The following SDK1 variants were observed in gnomAD, a reference collection of about 807,000 sequenced individuals.
SDK1 encodes the protein protein sidekick-1.
Under a neutral mutation model 245.5 loss-of-function variants are expected in SDK1, and 157 were observed. The ratio of observed to expected loss-of-function variants is 0.64; its 90% CI spans 0.56 to 0.73. The LOEUF (loss-of-function observed/expected upper bound fraction) is 0.73, where lower values mean the gene tolerates loss of function less well. Ranked by LOEUF, SDK1 falls within the 30% of genes least tolerant of loss-of-function variation. The pLI, the probability that SDK1 is intolerant of heterozygous loss-of-function variation, is 0.00. For synonymous variants in SDK1, 1,647 were observed against 1,278.5 expected (o/e 1.29, Z -6.15); for missense variants, 3,583 against 3,002.3 (o/e 1.19, Z -4.52).
At position 3,838,214 on chromosome 7, in the gene SDK1, G is replaced by A. The variant is rs554476695; in HGVS notation, c.847+16631G>A. Reference sequence around the variant, plus strand: ...CCTGCATGGCTGTACACAGCAATCCGGATTAATTCATCAGTTATGCCCGGT... The same window carrying A: ...CCTGCATGGCTGTACACAGCAATCCAGATTAATTCATCAGTTATGCCCGGT... On this transcript the variant is annotated intron_variant, in intron 5 of 44. Transcript: ENST00000404826. 1.3e-4 allele frequency among the ~76,000 whole-genome samples: 20 copies of A among 152,316 alleles called. No homozygotes were observed. The East Asian group carries it at 2.1e-3, about 16-fold the overall frequency.
At chr7:3,679,693 C>A (rs915224090) in intron 4 of SDK1, among the ~76,000 whole-genome samples, 2 of 152,164 alleles carry the variant, frequency 1.3e-5, no homozygotes, top group African/African-American at 4.8e-5. Context: ...ACTTTCAAAC[C>A]ACAATGAGAT....
intron 4 of SDK1, among the ~76,000 whole-genome samples, chr7:3,662,837 G>A (rs1362231506): frequency 6.6e-6 from 1 of 152,140 alleles, no homozygotes; most frequent in Non-Finnish European, 1.5e-5. Flanking sequence ...GAAGCATTTT[G>A]GATTCGGATT....
At chr7:3,401,995 A>G (rs1203374248) in intron 1 of SDK1, among the ~76,000 whole-genome samples, 2 of 152,150 alleles carry the variant, frequency 1.3e-5, no homozygotes. Flanking sequence ...CCTGCTGAAT[A>G]TGTACCTTGA....
chr7:4,120,487 T>G (rs1167769624), intron 25 of SDK1, among the ~76,000 whole-genome samples: 1 of 149,146 alleles, frequency 6.7e-6, no homozygotes, highest in Non-Finnish European at 1.5e-5. Flanking sequence ...AGCAAATAAC[T>G]GCCAACCTCA....
intron 4 of SDK1, among the ~76,000 whole-genome samples, chr7:3,772,984 C>CT (rs1780446256): frequency 6.6e-6 from 1 of 152,156 alleles, no homozygotes; most frequent in Non-Finnish European, 1.5e-5. Context: ...TTGTATTTGG[C>CT]TGTGGGAAGT....
intron 22 of SDK1, among the ~76,000 whole-genome samples, chr7:4,085,377 A>G (rs543673436): frequency 1.7e-4 from 26 of 152,248 alleles, no homozygotes; most frequent in African/African-American, 6.3e-4. Context: ...TTCAGTTTAT[A>G]ATATATTTAG....
chr7:4,137,925 G>A (rs781199874), intron 28 of SDK1, among the ~76,000 whole-genome samples: 2 of 152,152 alleles, frequency 1.3e-5, no homozygotes, highest in Non-Finnish European at 2.9e-5. Flanking sequence ...TGCCATTTAT[G>A]TACAGAAAAA....
chr7:3,698,987 G>A (rs1583318994), intron 4 of SDK1, among the ~76,000 whole-genome samples: 1 of 152,110 alleles, frequency 6.6e-6, no homozygotes, highest in Non-Finnish European at 1.5e-5. Context: ...AGGGGACGCT[G>A]GAGCTTTCAC....
intron 1 of SDK1, among the ~76,000 whole-genome samples, chr7:3,407,191 C>G (rs1166783864): frequency 6.6e-6 from 1 of 152,214 alleles, no homozygotes; most frequent in East Asian, 1.9e-4. Flanking sequence ...CTGCTTCGTT[C>G]ACAACCTATT....
At chr7:3,438,801 A>C (rs535314429) in intron 1 of SDK1, among the ~76,000 whole-genome samples, 2 of 151,612 alleles carry the variant, frequency 1.3e-5, no homozygotes, top group Non-Finnish European at 2.9e-5. Flanking sequence ...ATACTTTACT[A>C]AGTTCCATCA....
At chr7:4,028,949 A>G (rs1222130196) in intron 17 of SDK1, among the ~76,000 whole-genome samples, 1 of 152,166 alleles carries the variant, frequency 6.6e-6, no homozygotes, top group East Asian at 1.9e-4. Flanking sequence ...GGAAGACGCC[A>G]AGAGAAGCAC....
rs188873726 is a variant in SDK1, at chr7:3,504,106, C to T, written c.299-114974C>T. Among the ~76,000 whole-genome samples, 158 of 150,390 alleles carry T rather than the reference C, an allele frequency of 1.1e-3. 2 individuals carry two copies. Among genetic ancestry groups the T allele is most frequent in the Middle Eastern group, 0.01 (3 of 288 alleles). On this transcript the variant is annotated intron_variant, in intron 1 of 44. Transcript: ENST00000404826. ...CAGAGGTTGTAGTGAGCCAAGATCGCGCCATTGCACTCCAGCCTGGGCAAC... is the reference window on the plus strand; with the variant it reads ...CAGAGGTTGTAGTGAGCCAAGATCGTGCCATTGCACTCCAGCCTGGGCAAC...
intron 35 of SDK1, among the ~76,000 whole-genome samples, chr7:4,191,326 C>CAA (rs1562411254): frequency 7.9e-5 from 12 of 152,222 alleles, no homozygotes; most frequent in African/African-American, 2.9e-4. Flanking sequence ...ACGCACAGCC[C>CAA]GGCAGATGCC....
intron 1 of SDK1, among the ~76,000 whole-genome samples, chr7:3,314,391 A>G (rs973556344): frequency 6.6e-6 from 1 of 152,210 alleles, no homozygotes; most frequent in Non-Finnish European, 1.5e-5. Flanking sequence ...TCATAGCTGT[A>G]GGAAATGTGG....
chr7:3,964,159 C>A (rs147944787), intron 9 of SDK1, among the ~76,000 whole-genome samples: 2 of 152,328 alleles, frequency 1.3e-5, no homozygotes, highest in East Asian at 1.9e-4. Flanking sequence ...CTGTTCAGCC[C>A]CCTGAGGTAA....
At chr7:4,177,286 G>T (rs1049752203) in intron 34 of SDK1, among the ~76,000 whole-genome samples, 2 of 152,190 alleles carry the variant, frequency 1.3e-5, no homozygotes, top group Non-Finnish European at 2.9e-5. Flanking sequence ...GCACACAGGT[G>T]CCAGGCACAC....
chr7:3,666,169 C>T (rs538472548), intron 4 of SDK1, among the ~76,000 whole-genome samples: 2 of 152,310 alleles, frequency 1.3e-5, no homozygotes, highest in East Asian at 1.9e-4. Context: ...ACCCCACTCA[C>T]CTTTAAAATC....
At chr7:3,368,108 A>G (rs1273956250) in intron 1 of SDK1, among the ~76,000 whole-genome samples, 1 of 152,218 alleles carries the variant, frequency 6.6e-6, no homozygotes, top group Admixed American at 6.5e-5. Flanking sequence ...TAAGTATATT[A>G]TTGACTTCCA....
rs147136386 is a variant in SDK1, at chr7:3,785,479, A to G, written c.714-35971A>G. ...ACATTTATGCAATTGTGAATTGTCA[A>G]TTTACAATTAAAAAGTATTTTCAAA... On this transcript the variant is annotated intron_variant, in intron 4 of 44. Coordinates refer to ENST00000404826, the MANE Select transcript of SDK1 (RefSeq NM_152744.4). 2.3e-4 allele frequency among the ~76,000 whole-genome samples: 35 copies of G among 152,322 alleles called. 1 individual carries two copies. Among genetic ancestry groups the G allele is most frequent in the East Asian group, 3.9e-4 (2 of 5,192 alleles).
Sources: allele counts gnomAD v4.1 joint callset (sites outside exome capture counted in the v4.1 genomes callset), GRCh38; gene constraint gnomAD v4.1.1; transcripts MANE v1.5; gene names NCBI Gene and HGNC (gene_info 2026-07-23, HGNC 2026-07-21).